Variants in LRCH2 observed in about 807,000 individuals in gnomAD.
LRCH2 encodes the protein leucine-rich repeat and calponin homology domain-containing protein 2.
A neutral mutation model predicts 68.9 loss-of-function variants in LRCH2; 38 were observed. The observed-to-expected ratio is 0.55, with a 90% CI of 0.43 to 0.72. LRCH2 has a LOEUF of 0.72. LRCH2 is among the 30% of genes least tolerant of loss of function. LRCH2 has a pLI of 0.00. For missense variants in LRCH2, 528 were observed against 572.9 expected (o/e 0.92, Z 0.80); for synonymous variants, 191 against 208.1 (o/e 0.92, Z 0.71).
rs1403177620 is a variant in LRCH2, at chrX:115,219,527, T to C, written c.349+14166A>G. 2.2e-4 allele frequency among the ~76,000 whole-genome samples: 25 copies of C among 111,588 alleles called. 1 individual carries two copies. The Admixed American group carries it at 2.4e-3, about 11-fold the overall frequency. Reference sequence around the variant, plus strand: ...AGACCAAATGGATTCAGATGGTTTATTACTAACACAGGCAGAGAAGGCATG... The same window carrying C: ...AGACCAAATGGATTCAGATGGTTTACTACTAACACAGGCAGAGAAGGCATG... On this transcript the variant is annotated intron_variant, in intron 1 of 20. Coordinates refer to ENST00000317135, the MANE Select transcript of LRCH2 (RefSeq NM_020871.4).
chrX:115,182,572 G>A (rs963472960), intron 3 of LRCH2, among the ~76,000 whole-genome samples: 1 of 111,562 alleles, frequency 9.0e-6, no homozygotes, highest in Non-Finnish European at 1.9e-5. Context: ...GGTGGCTGAC[G>A]CCTGTAATCC....
intron 20 of LRCH2, among the ~76,000 whole-genome samples, chrX:115,120,298 T>C (rs1462758954): frequency 1.2e-5 from 1 of 80,721 alleles, no homozygotes; most frequent in African/African-American, 4.7e-5. Flanking sequence ...ATCCAGAATC[T>C]ACAATGAACT....
chrX:115,230,908 T>C (rs2073148601), intron 1 of LRCH2, among the ~76,000 whole-genome samples: 1 of 110,267 alleles, frequency 9.1e-6, no homozygotes, highest in Non-Finnish European at 1.9e-5. Flanking sequence ...CCTTGGCCCC[T>C]GAGATTCTGA....
Position 115,190,124 on chromosome X carries a change from T to C in LRCH2, c.350-1754A>G, listed in dbSNP as rs782463612. On this transcript the variant is annotated intron_variant, in intron 1 of 20. Transcript: ENST00000317135. ...GGAATGCCTGGGAAGGCCCCGGCCG[T>C]GTGGGGGCAAGATGGCTACTCAGGC... 8.6e-6 allele frequency: 10 copies of C among 1,157,673 alleles called. No homozygotes were observed. In the African/African-American group the frequency reaches 1.8e-4, roughly 21 times the overall value.
chrX:115,191,634 C>T, intron 1 of LRCH2: 2 of 1,160,188 alleles, frequency 1.7e-6, no homozygotes, highest in Non-Finnish European at 2.3e-6. Flanking sequence ...ACAGCCGGGG[C>T]CACGACAGTT....
rs1556526616 is a variant in LRCH2 at position 115,123,201 on chromosome X, A to C, written c.1850-9T>G. ...AGATGAGCGGCTAAAAGCTATAAAA[A>C]CAGAAATTTCCTAACTTGTTACAAA... On this transcript the variant is annotated splice_polypyrimidine_tract_variant and intron_variant, in intron 17 of 20. Transcript: ENST00000317135. 1.7e-6 allele frequency: 2 copies of C among 1,186,585 alleles called. No homozygotes were observed. Among genetic ancestry groups the C allele is most frequent in the Non-Finnish European group, 2.3e-6 (2 of 877,159 alleles).
chrX:115,197,847 T>TCTCTCTCTCTCTCACACACA (rs782358260), intron 1 of LRCH2, among the ~76,000 whole-genome samples: 338 of 20,567 alleles, frequency 0.016, 14 homozygotes, highest in Non-Finnish European at 0.024. Flanking sequence ...TCTCTCTCTC[T>TCTCTCTCTCTCTCACACACA]CACACACACA....
chrX:115,165,609 T>G lies in LRCH2; in HGVS notation c.1245A>C (p.Ala415=). Residue 415 remains alanine (A), a synonymous_variant, in exon 9 of 21, where the codon GCA becomes GCC. Transcript: ENST00000317135. The part of the protein sequence containing the change: ...DFVDPNTEDV[A]VPEQGNAHIG... ...TATGTGCATTTCCCTGTTCAGGAAC[T>G]GCTACATCTTCTGTGTTGGGGTCAA... 3.4e-6 allele frequency: 4 copies of G among 1,170,570 alleles called. No individual in the cohort carries two copies. The highest frequency in any genetic ancestry group is 4.6e-6 in the Non-Finnish European group (4 of 872,680).
chrX:115,137,542 G>T (rs2072300570), intron 14 of LRCH2, among the ~76,000 whole-genome samples: 2 of 109,849 alleles, frequency 1.8e-5, no homozygotes, highest in South Asian at 7.8e-4. Flanking sequence ...TAGAAACCAA[G>T]ACAGGAGTAT....
At chrX:115,166,534 T>C (rs1414439872) in intron 6 of LRCH2, among the ~76,000 whole-genome samples, 192 bp from the exon 7 acceptor site, 3 of 111,227 alleles carry the variant, frequency 2.7e-5, no homozygotes, top group Non-Finnish European at 5.7e-5. Flanking sequence ...CATGCAATAT[T>C]GTTCCCTTCG....
chrX:115,189,890 G>A (rs782559248), intron 1 of LRCH2: 359 of 1,161,870 alleles, frequency 3.1e-4, no homozygotes, highest in Non-Finnish European at 3.7e-4. Context: ...CCCAGGAAGC[G>A]CGGGCCGCCA....
rs140472269 is a variant in LRCH2, at chrX:115,212,852, G to C, written c.349+20841C>G. On this transcript the variant is annotated intron_variant, in intron 1 of 20. Transcript: ENST00000317135. Reference sequence around the variant, plus strand: ...CCGAGTGTAGTGGCATGGACCTATAGTCCCAGCTACTTCGGAGGCTGAGGC... The same window carrying C: ...CCGAGTGTAGTGGCATGGACCTATACTCCCAGCTACTTCGGAGGCTGAGGC... Among the ~76,000 whole-genome samples, 802 of 110,143 alleles carry C rather than the reference G, an allele frequency of 7.3e-3. 9 individuals carry two copies. The highest frequency in any genetic ancestry group is 0.025 in the African/African-American group (753 of 30,333).
chrX:115,224,614 G>C (rs1455363802), intron 1 of LRCH2, among the ~76,000 whole-genome samples: 3 of 107,644 alleles, frequency 2.8e-5, no homozygotes, highest in Non-Finnish European at 5.8e-5. Flanking sequence ...AGCCTGGGAG[G>C]TTGAGGCTGC....
intron 2 of LRCH2, among the ~76,000 whole-genome samples, chrX:115,185,261 C>T (rs1556553999): frequency 8.9e-6 from 1 of 111,855 alleles, no homozygotes; most frequent in East Asian, 2.8e-4. Flanking sequence ...TGCAGCAGGT[C>T]ATGTGAATTA....
Position 115,234,060 on chromosome X carries a change from AG to A in LRCH2, c.-20del. On this transcript the variant is annotated 5_prime_UTR_variant, in exon 1 of 21. Coordinates refer to ENST00000317135, the MANE Select transcript of LRCH2 (RefSeq NM_020871.4). Reference sequence around the variant, plus strand: ...CCGCCATGTTCCTGGGAGAGAGAATAGCCCCCGACAATACTGTCAGCCTGTG... The same window carrying A: ...CCGCCATGTTCCTGGGAGAGAGAATACCCCCGACAATACTGTCAGCCTGTG... 1 of 1,159,728 alleles carries A rather than the reference AG, an allele frequency of 8.6e-7. No homozygotes were observed. Among genetic ancestry groups the A allele is most frequent in the Non-Finnish European group, 1.2e-6 (1 of 869,276 alleles).
At chrX:115,190,128 G>C in intron 1 of LRCH2, 2 of 1,159,634 alleles carry the variant, frequency 1.7e-6, no homozygotes, top group Non-Finnish European at 1.2e-6. Flanking sequence ...CGGCCGTGTG[G>C]GGGCAAGATG....
At chrX:115,140,250 T>C (rs1376203117) in intron 14 of LRCH2, among the ~76,000 whole-genome samples, 4 of 110,924 alleles carry the variant, frequency 3.6e-5, no homozygotes, top group Admixed American at 1.9e-4. Flanking sequence ...ACTAGACATA[T>C]ACCCCTGGGC....
intron 1 of LRCH2, among the ~76,000 whole-genome samples, chrX:115,210,894 CT>C (rs1556569811): frequency 8.9e-6 from 1 of 112,148 alleles, no homozygotes; most frequent in Non-Finnish European, 1.9e-5. Context: ...GGATTTCAAA[CT>C]TGCACAAGGC....
intron 1 of LRCH2, among the ~76,000 whole-genome samples, chrX:115,189,124 T>C (rs1225745194): frequency 8.9e-6 from 1 of 111,809 alleles, no homozygotes; most frequent in Non-Finnish European, 1.9e-5. Flanking sequence ...CATCCACCAA[T>C]GTAACCAACA....
Sources: gnomAD v4.1 joint callset for allele counts (sites outside exome capture counted in the v4.1 genomes callset) on GRCh38, gnomAD v4.1.1 for gene constraint, MANE v1.5 for transcripts, NCBI Gene and HGNC (gene_info 2026-07-23, HGNC 2026-07-21) for gene names.